FNIP2: variants seen among roughly 807,000 people sequenced by gnomAD.
The protein encoded by FNIP2 is folliculin-interacting protein 2.
A neutral mutation model predicts 108.7 loss-of-function variants in FNIP2; 32 were observed. The observed-to-expected ratio is 0.29, with a 90% CI of 0.22 to 0.40. The LOEUF (loss-of-function observed/expected upper bound fraction) is 0.40. Among genes scored for constraint, FNIP2 ranks in the 10% least tolerant of loss-of-function variants. The pLI is 1.00. For synonymous variants in FNIP2, 480 were observed against 496.7 expected, an observed-to-expected ratio of 0.97 and a Z score of 0.45; for missense variants, 1,202 against 1,381.6, an observed-to-expected ratio of 0.87 and a Z score of 2.06.
chr4:158,849,787 T>C lies in FNIP2; in HGVS notation c.728-1534T>C, dbSNP rs551430520. 2.6e-5 allele frequency among the ~76,000 whole-genome samples: 4 copies of C among 151,188 alleles called. No homozygotes were observed. The South Asian group carries it at 8.4e-4, about 32-fold the overall frequency. On this transcript the variant is annotated intron_variant, in intron 7 of 16. Coordinates refer to ENST00000264433, the MANE Select transcript of FNIP2 (RefSeq NM_020840.3). ...GGTCAGCTTACTGGGGCCAGCCACA[T>C]GTAACAGTTTGGTTAAAAAAAAAAA...
At chr4:158,890,568 A>C (rs1403101810) in intron 14 of FNIP2, among the ~76,000 whole-genome samples, 1 of 152,242 alleles carries the variant, frequency 6.6e-6, no homozygotes, top group Non-Finnish European at 1.5e-5. Flanking sequence ...TAAAAATTAC[A>C]GGTAACCATG....
In FNIP2 at chr4:158,831,856, T is replaced by C. The variant is rs776496738; in HGVS notation, c.382-5T>C. The C allele has an allele frequency of 1.2e-6, 2 of 1,603,016 alleles. No individual in the cohort carries two copies. The highest frequency in any genetic ancestry group is 8.5e-7 in the Non-Finnish European group (1 of 1,172,432). On this transcript the variant is annotated splice_region_variant and splice_polypyrimidine_tract_variant and intron_variant, in intron 3 of 16. Coordinates refer to ENST00000264433, the MANE Select transcript of FNIP2 (RefSeq NM_020840.3). ...CTAACTTTGATTTTGTTTTCTTGCA[T>C]GTAGTACACAAGACCAGCTTCCGAT...
At chr4:158,902,851 G>A (rs545354843) in intron 16 of FNIP2, among the ~76,000 whole-genome samples, 3 of 152,106 alleles carry the variant, frequency 2.0e-5, no homozygotes, top group South Asian at 2.1e-4. Context: ...AACCTCAAAC[G>A]TCCCAGGTCG....
At chr4:158,832,666 C>T (rs569668357) in intron 5 of FNIP2, among the ~76,000 whole-genome samples, 39 of 152,262 alleles carry the variant, frequency 2.6e-4, no homozygotes, top group African/African-American at 8.9e-4. Context: ...AAAAATATTT[C>T]TCTATATATT....
In FNIP2 at chr4:158,845,305, C is replaced by T. The variant is rs562525866; in HGVS notation, c.728-6016C>T. ...TCCAGTACACAGAGTTAACTGGAGG[C>T]ACAGCTAGCACTGAACTCATGCAAA... On this transcript the variant is annotated intron_variant, in intron 7 of 16. Transcript: ENST00000264433. 2.3e-4 allele frequency among the ~76,000 whole-genome samples: 35 copies of T among 152,308 alleles called. No individual in the cohort carries two copies. In the South Asian group the frequency reaches 6.6e-3, roughly 29 times the overall value.
At chr4:158,862,452 G>A (rs545897249) in intron 12 of FNIP2, among the ~76,000 whole-genome samples, 1 of 152,166 alleles carries the variant, frequency 6.6e-6, no homozygotes, top group South Asian at 2.1e-4. Flanking sequence ...GGGGGTAAAA[G>A]GCGTGTTCTA....
At chr4:158,818,467 A>C (rs1777696666) in intron 1 of FNIP2, among the ~76,000 whole-genome samples, 1 of 152,198 alleles carries the variant, frequency 6.6e-6, no homozygotes, top group African/African-American at 2.4e-5. Flanking sequence ...AAAATCCTAA[A>C]ATTTCTGGAA....
intron 6 of FNIP2, chr4:158,833,932 A>G: frequency 8.8e-6 from 11 of 1,243,052 alleles, no homozygotes; most frequent in Non-Finnish European, 1.1e-5. Context: ...CACACATATT[A>G]ATAAATCCTG....
intron 1 of FNIP2, among the ~76,000 whole-genome samples, chr4:158,771,427 C>G (rs1055942637): frequency 2.6e-5 from 4 of 152,168 alleles, no homozygotes; most frequent in African/African-American, 9.7e-5. Context: ...GAAAATTTTT[C>G]TCTCTACCTA....
At chr4:158,895,652 G>C in intron 15 of FNIP2, 98 bp from the exon 16 acceptor site, 1 of 735,998 alleles carries the variant, frequency 1.4e-6, no homozygotes, top group South Asian at 1.6e-5. Context: ...TGAGATAAAA[G>C]CTGTGTAGTT....
rs780224815 is a variant in FNIP2, at chr4:158,906,732, C to T, written c.*2188C>T. 6.6e-6 allele frequency: 1 copy of T among 152,062 alleles called. No individual in the cohort carries two copies. Among genetic ancestry groups the T allele is most frequent in the South Asian group, 2.1e-4 (1 of 4,828 alleles). The allele number at this position is 152,062 out of a possible 1,614,324, so 9.4% of individuals were successfully genotyped here. A position where few individuals can be genotyped will look rare whatever the true frequency, so the allele number is the denominator to read the frequency against. ...AAAATAGACCAAGAATGTTGCTGCTCTTTTATAATCCTTTAAATATTTAAC... is the reference window on the plus strand; with the variant it reads ...AAAATAGACCAAGAATGTTGCTGCTTTTTTATAATCCTTTAAATATTTAAC... On this transcript the variant is annotated 3_prime_UTR_variant, in exon 17 of 17. Transcript: ENST00000264433.
rs115318478 is a variant in FNIP2 at position 158,807,558 on chromosome 4, A to G, written c.108-18358A>G. On this transcript the variant is annotated intron_variant, in intron 1 of 16. Coordinates refer to ENST00000264433, the MANE Select transcript of FNIP2 (RefSeq NM_020840.3). ...CTTAAAACATTTTTTTCTTACAGAA[A>G]TTTTCTCAAAATTAACATATCTCAT... is the stretch of plus-strand genomic sequence containing the variant. Among the ~76,000 whole-genome samples the G allele has an allele frequency of 5.7e-3, 866 of 152,220 alleles. 6 individuals carry two copies. Among genetic ancestry groups the G allele is most frequent in the African/African-American group, 0.019 (799 of 41,532 alleles).
At chr4:158,873,795 C>T (rs981486889) in intron 14 of FNIP2, among the ~76,000 whole-genome samples, 1 of 152,220 alleles carries the variant, frequency 6.6e-6, no homozygotes, top group Non-Finnish European at 1.5e-5. Context: ...GGTTATACAG[C>T]TGCCTTAAAT....
At chr4:158,796,389 G>A (rs1038230209) in intron 1 of FNIP2, among the ~76,000 whole-genome samples, 1 of 143,348 alleles carries the variant, frequency 7.0e-6, no homozygotes, top group Admixed American at 7.0e-5. Flanking sequence ...TAACTGTTGT[G>A]CTAATTTGTT....
At chr4:158,791,709 C>T (rs1776424447) in intron 1 of FNIP2, among the ~76,000 whole-genome samples, 1 of 152,144 alleles carries the variant, frequency 6.6e-6, no homozygotes. Flanking sequence ...GAGGATAATG[C>T]CTCCCTGCCC....
At chr4:158,861,878 G>A (rs760012043) in intron 12 of FNIP2, 102 bp downstream of exon 12, 330 of 1,352,950 alleles carry the variant, frequency 2.4e-4, no homozygotes, top group Non-Finnish European at 3.2e-4. Context: ...GTAATTCATA[G>A]GTTGTCTTTG....
At chr4:158,842,611 C>T (rs141672968) in intron 7 of FNIP2, among the ~76,000 whole-genome samples, 351 of 152,138 alleles carry the variant, frequency 2.3e-3, no homozygotes, top group African/African-American at 7.7e-3. Context: ...GCATTTATAC[C>T]TTAGATAAAT....
At chr4:158,900,812 T>TG (rs1174774031) in intron 16 of FNIP2, among the ~76,000 whole-genome samples, 1 of 152,216 alleles carries the variant, frequency 6.6e-6, no homozygotes, top group Non-Finnish European at 1.5e-5. Context: ...GTCTTTTAAT[T>TG]GGGGCATTTA....
intron 14 of FNIP2, among the ~76,000 whole-genome samples, chr4:158,882,100 G>A (rs1224197839): frequency 4.0e-5 from 6 of 151,074 alleles, no homozygotes; most frequent in African/African-American, 7.3e-5. Context: ...GGTGAGGAGC[G>A]TCTCTGCCTG....
Sources: gnomAD v4.1 joint callset for allele counts (sites outside exome capture counted in the v4.1 genomes callset) on GRCh38, gnomAD v4.1.1 for gene constraint, MANE v1.5 for transcripts, NCBI Gene and HGNC (gene_info 2026-07-23, HGNC 2026-07-21) for gene names.